KHDRBS2: variants seen among roughly 807,000 people sequenced by gnomAD.
KHDRBS2 encodes the protein KH domain-containing, RNA-binding, signal transduction-associated protein 2.
Under a neutral mutation model 44.3 loss-of-function variants are expected in KHDRBS2, and 26 were observed. The observed-to-expected ratio is 0.59, with a 90% CI of 0.43 to 0.81. The LOEUF (loss-of-function observed/expected upper bound fraction) is 0.81. Ranked by LOEUF, KHDRBS2 falls within the 40% of genes least tolerant of loss-of-function variation. The probability of loss-of-function intolerance (pLI) is 0.00; values close to 1 mark genes in which losing one functional copy is unlikely to be tolerated. For synonymous variants in KHDRBS2, 194 were observed against 151.1 expected (o/e 1.28, Z -2.08); for missense variants, 476 against 433.1 (o/e 1.10, Z -0.88).
the KHDRBS2 span, among the ~76,000 whole-genome samples, chr6:61,587,873 T>C: frequency 6.6e-6 from 1 of 150,616 alleles, no homozygotes; most frequent in Admixed American, 6.6e-5. Context: ...TTGATGTTAC[T>C]ATCTAATTAT....
intron 3 of KHDRBS2, among the ~76,000 whole-genome samples, chr6:61,978,746 G>A (rs1273346318): frequency 1.3e-5 from 2 of 152,060 alleles, no homozygotes; most frequent in African/African-American, 4.8e-5. Context: ...TTATCAGCAA[G>A]CCTTATACCC....
chr6:61,669,118 A>G, the KHDRBS2 span, among the ~76,000 whole-genome samples: 1 of 151,044 alleles, frequency 6.6e-6, no homozygotes, highest in African/African-American at 2.4e-5. Flanking sequence ...GACAGGCATA[A>G]TATACATGAT....
chr6:61,601,711 G>A, the KHDRBS2 span, among the ~76,000 whole-genome samples: 2 of 151,668 alleles, frequency 1.3e-5, no homozygotes, highest in Non-Finnish European at 2.9e-5. Flanking sequence ...CTTTTCTACA[G>A]ACCCATCTCA....
intron 4 of KHDRBS2, among the ~76,000 whole-genome samples, chr6:61,926,076 G>A (rs1808915319): frequency 6.6e-6 from 1 of 152,022 alleles, no homozygotes; most frequent in African/African-American, 2.4e-5. Flanking sequence ...TAATTATAGT[G>A]TTTTAATGTT....
At chr6:62,246,827 A>T (rs1375591731) in intron 1 of KHDRBS2, among the ~76,000 whole-genome samples, 3 of 152,136 alleles carry the variant, frequency 2.0e-5, no homozygotes, top group Non-Finnish European at 4.4e-5. Flanking sequence ...TATAAATATA[A>T]TTTTTTAAAA....
At position 62,037,801 on chromosome 6, in the gene KHDRBS2, A is replaced by G. The variant is rs116033535; in HGVS notation, c.336+10077T>C. Among the ~76,000 whole-genome samples, 419 of 152,150 alleles carry G rather than the reference A, an allele frequency of 2.8e-3. 3 individuals carry two copies. The highest frequency in any genetic ancestry group is 9.2e-3 in the African/African-American group (383 of 41,552). Reference sequence around the variant, plus strand: ...ATATGCAAGAATACTGGCATAACAGATTACTGTCCATCTCAAAACTCTGAC... The same window carrying G: ...ATATGCAAGAATACTGGCATAACAGGTTACTGTCCATCTCAAAACTCTGAC... On this transcript the variant is annotated intron_variant, in intron 3 of 8. Transcript: ENST00000281156.
rs774463768 is a variant in KHDRBS2, at chr6:61,901,244, C to T, written c.611G>A (p.Arg204Lys). ...TTATTTAAAGTAAGAATGAATGTAC[C>T]TTGAAGGAGCTGTGGGAGCTATTCT... is the stretch of plus-strand genomic sequence containing the variant. ...GIRIAPTAPS[R>K]GRGGAIPPPP... The change falls in exon 5 of 9, where the codon AGG becomes AAG. Residue 204 changes from arginine to lysine, a missense_variant and splice_region_variant. Coordinates refer to ENST00000281156, the MANE Select transcript of KHDRBS2 (RefSeq NM_152688.4). 1.2e-6 allele frequency: 2 copies of T among 1,610,772 alleles called. No homozygotes were observed. Among genetic ancestry groups the T allele is most frequent in the Non-Finnish European group, 1.7e-6 (2 of 1,178,818 alleles).
intron 7 of KHDRBS2, among the ~76,000 whole-genome samples, chr6:61,706,485 G>A (rs554370402): frequency 6.6e-6 from 1 of 151,846 alleles, no homozygotes; most frequent in Admixed American, 6.6e-5. Context: ...ATTTAGATAA[G>A]AAGACTGGAA....
intron 6 of KHDRBS2, among the ~76,000 whole-genome samples, chr6:61,869,151 G>A (rs1798229265): frequency 6.6e-6 from 1 of 152,128 alleles, no homozygotes; most frequent in East Asian, 1.9e-4. Flanking sequence ...CATACTCCAT[G>A]GGTCAAGTTG....
the KHDRBS2 span, among the ~76,000 whole-genome samples, chr6:61,546,017 T>A: frequency 6.6e-6 from 1 of 152,138 alleles, no homozygotes; most frequent in African/African-American, 2.4e-5. Context: ...CAGCTCCTCA[T>A]ATTTTGTAGT....
intron 3 of KHDRBS2, among the ~76,000 whole-genome samples, chr6:61,985,701 C>T (rs1583974989): frequency 1.3e-5 from 2 of 152,080 alleles, no homozygotes. Context: ...GTCCAATAAA[C>T]CAAAAACAAT....
chr6:61,853,870 C>A (rs1795799825), intron 6 of KHDRBS2, among the ~76,000 whole-genome samples: 1 of 152,126 alleles, frequency 6.6e-6, no homozygotes, highest in African/African-American at 2.4e-5. Context: ...GTTTTTCATG[C>A]AGCTGGCTGA....
intron 6 of KHDRBS2, among the ~76,000 whole-genome samples, chr6:61,766,394 C>CA (rs1222589562): frequency 1.3e-5 from 2 of 151,476 alleles, no homozygotes; most frequent in Admixed American, 6.6e-5. Flanking sequence ...AAAGGTTTGC[C>CA]AATTTTATCT....
chr6:61,882,252 C>G lies in KHDRBS2; in HGVS notation c.810+12383G>C, dbSNP rs1374599693. ...ATTACTCATCCCCCAGCAACCTGAA[C>G]CTTCTATCTGGCACTCACACCAGTT... is the stretch of plus-strand genomic sequence containing the variant. On this transcript the variant is annotated intron_variant, in intron 6 of 8. Transcript: ENST00000281156. Among the ~76,000 whole-genome samples, 3 of 152,010 alleles carry G rather than the reference C, an allele frequency of 2.0e-5. No individual in the cohort carries two copies. In the East Asian group the frequency reaches 5.8e-4, roughly 29 times the overall value.
chr6:61,932,935 T>C (rs1213696640), intron 4 of KHDRBS2, among the ~76,000 whole-genome samples: 1 of 152,206 alleles, frequency 6.6e-6, no homozygotes, highest in African/African-American at 2.4e-5. Flanking sequence ...ATGAATTGTA[T>C]TTCATTGTGT....
chr6:62,027,958 G>C (rs538285956), intron 3 of KHDRBS2, among the ~76,000 whole-genome samples: 2 of 152,230 alleles, frequency 1.3e-5, no homozygotes, highest in East Asian at 3.9e-4. Context: ...GGAAGTCGTT[G>C]TAGGAATCTC....
intron 3 of KHDRBS2, among the ~76,000 whole-genome samples, chr6:61,989,573 G>T (rs950524700): frequency 6.6e-6 from 1 of 152,114 alleles, no homozygotes; most frequent in African/African-American, 2.4e-5. Flanking sequence ...AAAAATGTGA[G>T]ATTTCTTTCT....
chr6:62,281,737 G>T (rs1049085595), intron 1 of KHDRBS2, among the ~76,000 whole-genome samples: 1 of 152,050 alleles, frequency 6.6e-6, no homozygotes, highest in African/African-American at 2.4e-5. Context: ...AAAGAACCCT[G>T]CCTGGTAGGT....
intron 7 of KHDRBS2, among the ~76,000 whole-genome samples, chr6:61,720,456 T>G (rs980677499): frequency 7.9e-5 from 12 of 152,154 alleles, no homozygotes; most frequent in African/African-American, 2.4e-5. Flanking sequence ...CCTGACTTTT[T>G]AATGATTGCC....
Sources: gnomAD v4.1 joint callset for allele counts (sites outside exome capture counted in the v4.1 genomes callset) on GRCh38, gnomAD v4.1.1 for gene constraint, MANE v1.5 for transcripts, NCBI Gene and HGNC (gene_info 2026-07-23, HGNC 2026-07-21) for gene names.